The following HSD17B2 variants were observed in gnomAD, a reference collection of about 807,000 sequenced individuals.
HSD17B2 encodes hydroxysteroid 17-beta dehydrogenase 2.
In HSD17B2, 32 loss-of-function variants were observed where a neutral mutation model predicts 26.9. The ratio of observed to expected loss-of-function variants is 1.19; its 90% confidence interval spans 0.90 to 1.60. The LOEUF is 1.60. Among genes scored for constraint, HSD17B2 ranks in the 40% most tolerant of loss-of-function variants. The pLI is 0.00. For missense variants in HSD17B2, 613 were observed against 468.6 expected (o/e 1.31, Z -2.85); for synonymous variants, 246 against 186.7 (o/e 1.32, Z -2.59).
chr16:82,077,301 A>C (rs1904307551), intron 3 of HSD17B2, among the ~76,000 whole-genome samples: 1 of 152,230 alleles, frequency 6.6e-6, no homozygotes, highest in African/African-American at 2.4e-5. Context: ...ACAGCATGGT[A>C]CCAGCATGAA....
chr16:82,055,264 C>T (rs1162713869), intron 1 of HSD17B2, among the ~76,000 whole-genome samples: 1 of 152,206 alleles, frequency 6.6e-6, no homozygotes, highest in African/African-American at 2.4e-5. Flanking sequence ...AGCCTTTGCA[C>T]CTGCTCTGCC....
rs147925140 is a variant in HSD17B2, at chr16:82,065,101, C to T, written c.266-3069C>T. On this transcript the variant is annotated intron_variant, in intron 1 of 4. Coordinates refer to ENST00000199936, the MANE Select transcript of HSD17B2 (RefSeq NM_002153.3). ...GAAGGGGAAGCTGGGAAGCTCTCAG[C>T]ATCTTGTGTGGAGGCACACAGTGTT... 1.1e-3 allele frequency among the ~76,000 whole-genome samples: 166 copies of T among 152,308 alleles called. 2 individuals carry two copies. Among genetic ancestry groups the T allele is most frequent in the African/African-American group, 3.9e-3 (164 of 41,574 alleles).
chr16:82,064,958 T>A (rs1914536675), intron 1 of HSD17B2, among the ~76,000 whole-genome samples: 1 of 152,216 alleles, frequency 6.6e-6, no homozygotes. Flanking sequence ...CTGCTTTGGA[T>A]CTTGCAGCCA....
intron 4 of HSD17B2, chr16:82,095,205 G>A (rs1904805168): frequency 6.6e-6 from 1 of 152,202 alleles, no homozygotes; most frequent in Non-Finnish European, 1.5e-5. Flanking sequence ...GGTAGGAGGA[G>A]GAATAGTAGC....
At chr16:82,061,370 T>G (rs1378830516) in intron 1 of HSD17B2, among the ~76,000 whole-genome samples, 3 of 152,174 alleles carry the variant, frequency 2.0e-5, no homozygotes, top group African/African-American at 2.4e-5. Context: ...TTCGAACAAC[T>G]CTATGACCCA....
At chr16:82,040,606 C>G (rs983187496) in intron 1 of HSD17B2, among the ~76,000 whole-genome samples, 4 of 152,202 alleles carry the variant, frequency 2.6e-5, no homozygotes, top group Admixed American at 2.6e-4. Flanking sequence ...ATTCAATCAA[C>G]AAGTAAATAT....
chr16:82,092,226 G>C (rs1904715561), intron 4 of HSD17B2: 1 of 151,974 alleles, frequency 6.6e-6, no homozygotes, highest in African/African-American at 2.4e-5. Context: ...TTATATTTCA[G>C]AAACAATATT....
chr16:82,046,386 T>A (rs535365207), intron 1 of HSD17B2, among the ~76,000 whole-genome samples: 1 of 152,296 alleles, frequency 6.6e-6, no homozygotes, highest in East Asian at 1.9e-4. Context: ...TTTCCATGCC[T>A]AATTTCATTT....
intron 1 of HSD17B2, among the ~76,000 whole-genome samples, chr16:82,054,410 T>C (rs1306516461): frequency 6.6e-6 from 1 of 152,060 alleles, no homozygotes; most frequent in African/African-American, 2.4e-5. Context: ...AGTGGTGTGA[T>C]CTTGGCTCAC....
chr16:82,039,637 C>A (rs571240083), intron 1 of HSD17B2, among the ~76,000 whole-genome samples: 1 of 152,310 alleles, frequency 6.6e-6, no homozygotes, highest in African/African-American at 2.4e-5. Context: ...CACTGGAGTT[C>A]CTTCCCCCTC....
intron 1 of HSD17B2, among the ~76,000 whole-genome samples, chr16:82,045,063 C>A (rs1913880522): frequency 7.6e-6 from 1 of 131,700 alleles, no homozygotes; most frequent in Non-Finnish European, 1.5e-5. Context: ...GCAGAGGTTG[C>A]AGTGAGCTGA....
At chr16:82,054,208 G>GAAAAAAAAAAAAAAAAAAA in intron 1 of HSD17B2, among the ~76,000 whole-genome samples, 2 of 85,702 alleles carry the variant, frequency 2.3e-5, no homozygotes, top group Non-Finnish European at 5.0e-5. Flanking sequence ...CCCACATATC[G>GAAAAAAAAAAAAAAAAAAA]AAAAAAAAAA....
At chr16:82,061,900 G>C (rs1914448775) in intron 1 of HSD17B2, among the ~76,000 whole-genome samples, 1 of 152,184 alleles carries the variant, frequency 6.6e-6, no homozygotes, top group South Asian at 2.1e-4. Flanking sequence ...GACAGTGCTT[G>C]TGTTCCAGGG....
chr16:82,084,011 A>G (rs889232794), intron 3 of HSD17B2, among the ~76,000 whole-genome samples: 4 of 152,348 alleles, frequency 2.6e-5, no homozygotes, highest in Admixed American at 1.3e-4. Flanking sequence ...AAATGTTCGC[A>G]TAAACACTTG....
At chr16:82,097,347 G>GTC (rs1267557174) in intron 4 of HSD17B2, 1 of 36,418 alleles carries the variant, frequency 2.7e-5, no homozygotes, top group Non-Finnish European at 7.5e-5. Context: ...CATTATATAT[G>GTC]TGTACACACA....
At chr16:82,037,130 A>C (rs1233476726) in intron 1 of HSD17B2, among the ~76,000 whole-genome samples, 1 of 152,246 alleles carries the variant, frequency 6.6e-6, no homozygotes, top group African/African-American at 2.4e-5. Context: ...AGTGAGGATG[A>C]TTGAATCAAT....
At chr16:82,055,909 T>G (rs1001952078) in intron 1 of HSD17B2, among the ~76,000 whole-genome samples, 14 of 152,272 alleles carry the variant, frequency 9.2e-5, no homozygotes, top group African/African-American at 3.1e-4. Flanking sequence ...GGAGAGGTGA[T>G]TTGATTGAAC....
intron 1 of HSD17B2, among the ~76,000 whole-genome samples, chr16:82,057,691 G>A (rs914803393): frequency 6.6e-6 from 1 of 152,228 alleles, no homozygotes; most frequent in African/African-American, 2.4e-5. Flanking sequence ...GTGATGTGAT[G>A]TGATGAAATG....
At chr16:82,071,975 T>C (rs1914708338) in intron 3 of HSD17B2, 2 of 152,294 alleles carry the variant, frequency 1.3e-5, no homozygotes, top group Non-Finnish European at 2.9e-5. Flanking sequence ...AGGGTATGAC[T>C]ATGCTGTTTT....
Sources: gnomAD v4.1 joint callset for allele counts (sites outside exome capture counted in the v4.1 genomes callset) on GRCh38, gnomAD v4.1.1 for gene constraint, MANE v1.5 for transcripts, NCBI Gene and HGNC (gene_info 2026-07-23, HGNC 2026-07-21) for gene names.